CCDC73: variants seen among roughly 807,000 people sequenced by gnomAD.
CCDC73 encodes the protein coiled-coil domain containing 73, also known as coiled-coil domain-containing protein 73.
A neutral mutation model predicts 116.5 loss-of-function variants in CCDC73; 95 were observed. The observed-to-expected ratio is 0.82, with a 90% CI of 0.69 to 0.97. The LOEUF (loss-of-function observed/expected upper bound fraction) is 0.97, where lower values mean the gene tolerates loss of function less well. Among genes scored for constraint, CCDC73 ranks in the 50% least tolerant of loss-of-function variants. The pLI, the probability that CCDC73 is intolerant of heterozygous loss-of-function variation, is 0.00. For synonymous variants in CCDC73, 398 were observed against 401.3 expected, an observed-to-expected ratio of 0.99 and a Z score of 0.10; for missense variants, 1,066 against 1,206.8, an observed-to-expected ratio of 0.88 and a Z score of 1.73.
chr11:32,672,739 G>A (rs780985857), intron 9 of CCDC73, among the ~76,000 whole-genome samples: 3 of 151,932 alleles, frequency 2.0e-5, no homozygotes, highest in Non-Finnish European at 4.4e-5. Flanking sequence ...TCTAATTTTC[G>A]AGGATGTATC....
intron 2 of CCDC73, among the ~76,000 whole-genome samples, chr11:32,739,310 T>C (rs925066103): frequency 1.3e-5 from 2 of 152,176 alleles, no homozygotes; most frequent in Non-Finnish European, 2.9e-5. Flanking sequence ...ACAATATTGA[T>C]TCTTCCAAAC....
At chr11:32,611,042 G>T in intron 17 of CCDC73, 90 bp downstream of exon 17, 2 of 1,228,672 alleles carry the variant, frequency 1.6e-6, no homozygotes, top group Non-Finnish European at 2.3e-6. Flanking sequence ...GATCAGTTAG[G>T]TCTTAAAGCA....
At chr11:32,766,875 C>T (rs1247375503) in intron 1 of CCDC73, among the ~76,000 whole-genome samples, 5 of 152,116 alleles carry the variant, frequency 3.3e-5, no homozygotes, top group Admixed American at 2.0e-4. Context: ...GAATCAATAT[C>T]GTGAAAATGG....
chr11:32,622,197 G>C (rs1855527875), intron 14 of CCDC73, among the ~76,000 whole-genome samples: 1 of 152,146 alleles, frequency 6.6e-6, no homozygotes. Context: ...CTGTTATAAA[G>C]ATACATGCAC....
chr11:32,635,903 T>C, intron 13 of CCDC73, 73 bp from the exon 14 acceptor site: 1 of 901,248 alleles, frequency 1.1e-6, no homozygotes, highest in Non-Finnish European at 1.4e-6. Context: ...AAATATTTCA[T>C]TAACAAAAGT....
intron 7 of CCDC73, chr11:32,681,449 G>A (rs1856143001): frequency 6.6e-6 from 1 of 151,834 alleles, no homozygotes; most frequent in Admixed American, 6.6e-5. Context: ...GTACTTTTAG[G>A]GATGGAAAAA....
chr11:32,746,412 G>A (rs1850240040), intron 2 of CCDC73, among the ~76,000 whole-genome samples: 1 of 152,146 alleles, frequency 6.6e-6, no homozygotes, highest in Admixed American at 6.5e-5. Flanking sequence ...TCTTGGGGAT[G>A]CTCTTCTCAA....
At chr11:32,726,828 A>T (rs527985402) in intron 2 of CCDC73, among the ~76,000 whole-genome samples, 1 of 152,208 alleles carries the variant, frequency 6.6e-6, no homozygotes, top group African/African-American at 2.4e-5. Flanking sequence ...TAAAAGAAGT[A>T]TACTTCTAAG....
At chr11:32,757,888 A>AT (rs1850357115) in intron 2 of CCDC73, among the ~76,000 whole-genome samples, 1 of 152,146 alleles carries the variant, frequency 6.6e-6, no homozygotes, top group Non-Finnish European at 1.5e-5. Context: ...CACCTACAAA[A>AT]TTCCTTTTGC....
chr11:32,684,416 AC>A (rs1856175274), intron 6 of CCDC73, among the ~76,000 whole-genome samples: 1 of 152,164 alleles, frequency 6.6e-6, no homozygotes, highest in Non-Finnish European at 1.5e-5. Context: ...CTGATAATAA[AC>A]GTCTATTTTA....
chr11:32,704,421 C>T (rs559578640), intron 3 of CCDC73, among the ~76,000 whole-genome samples: 16 of 152,352 alleles, frequency 1.1e-4, no homozygotes, highest in Middle Eastern at 3.4e-3. Context: ...CGCTGACATG[C>T]CAGACCCTGG....
chr11:32,683,455 T>G (rs1856165979), intron 7 of CCDC73, 81 bp downstream of exon 7: 1 of 891,334 alleles, frequency 1.1e-6, no homozygotes, highest in African/African-American at 1.6e-5. Flanking sequence ...TCACTATAAA[T>G]GTCACATTTT....
chr11:32,788,223 T>C (rs1015416791), intron 1 of CCDC73, among the ~76,000 whole-genome samples: 21 of 152,178 alleles, frequency 1.4e-4, no homozygotes, highest in Admixed American at 9.8e-4. Flanking sequence ...AGAAGGATAC[T>C]TGAAAACCAT....
intron 6 of CCDC73, 67 bp downstream of exon 6, chr11:32,699,184 A>G: frequency 6.9e-7 from 1 of 1,456,358 alleles, no homozygotes; most frequent in Admixed American, 2.5e-5. Flanking sequence ...TACATATCTA[A>G]AGGCATTTTA....
At chr11:32,706,012 G>GGA (rs532303665) in intron 3 of CCDC73, among the ~76,000 whole-genome samples, 1 of 135,454 alleles carries the variant, frequency 7.4e-6, no homozygotes, top group African/African-American at 2.8e-5. Flanking sequence ...TATATCAGCT[G>GGA]AAAAAAAAAA....
At chr11:32,664,496 A>G (rs1855961668) in intron 9 of CCDC73, among the ~76,000 whole-genome samples, 1 of 152,064 alleles carries the variant, frequency 6.6e-6, no homozygotes, top group South Asian at 2.1e-4. Context: ...CTCTGATGGT[A>G]GTTTGTATTT....
At chr11:32,630,581 G>A (rs1855622972) in intron 14 of CCDC73, among the ~76,000 whole-genome samples, 1 of 152,156 alleles carries the variant, frequency 6.6e-6, no homozygotes, top group Admixed American at 6.5e-5. Flanking sequence ...CACCTCAAGT[G>A]ATCCACTTGG....
At position 32,626,402 on chromosome 11, in the gene CCDC73, C is replaced by A. The variant is rs868549837; in HGVS notation, c.1185+9294G>T. ...ATATCGTGAAAATGGCCATACTGCC[C>A]AAGGTAATTTATAGATTCAATGCCA... On this transcript the variant is annotated intron_variant, in intron 14 of 17. Coordinates refer to ENST00000335185, the MANE Select transcript of CCDC73 (RefSeq NM_001008391.4). Among the ~76,000 whole-genome samples, 1,079 of 151,914 alleles carry A rather than the reference C, an allele frequency of 7.1e-3. 17 individuals are homozygous for A. The highest frequency in any genetic ancestry group is 0.025 in the African/African-American group (1,036 of 41,376).
At position 32,613,485 on chromosome 11, in the gene CCDC73, T is replaced by A. The variant is rs1364280411; in HGVS notation, c.2833A>T (p.Ile945Phe). The change falls in exon 16 of 18, where the codon ATC becomes TTC. Residue 945 changes from isoleucine (I) to phenylalanine (F), a missense_variant. Ile to Phe is a conservative substitution (Grantham distance 21). Coordinates refer to ENST00000335185, the MANE Select transcript of CCDC73 (RefSeq NM_001008391.4). ...RPLDPSENKK[I>F]ISMALCKNIG... The stretch of plus-strand genomic sequence containing the variant: ...TTTTTACAAAGAGCCATTGAAATGA[T>A]CTTTTTGTTTTCTGATGGATCTAGT... 23 of 1,614,126 alleles carry A rather than the reference T, an allele frequency of 1.4e-5. No homozygotes were observed. Among genetic ancestry groups the A allele is most frequent in the Non-Finnish European group, 1.9e-5 (23 of 1,179,988 alleles).
Sources: gnomAD v4.1 joint callset for allele counts (sites outside exome capture counted in the v4.1 genomes callset) on GRCh38, gnomAD v4.1.1 for gene constraint, MANE v1.5 for transcripts, NCBI Gene and HGNC (gene_info 2026-07-23, HGNC 2026-07-21) for gene names.